The following RNF212B variants were observed in gnomAD, a reference collection of about 807,000 sequenced individuals.
RNF212B encodes ring finger protein 212B, also known as E3 ubiquitin-protein ligase RNF212B.
Under a neutral mutation model 55.5 loss-of-function variants are expected in RNF212B, and 52 were observed. The ratio of observed to expected loss-of-function variants is 0.94; its 90% confidence interval spans 0.75 to 1.18. RNF212B has a LOEUF of 1.18. RNF212B is among the 50% of genes most tolerant of loss of function. The pLI is 0.00. For missense variants in RNF212B, 289 were observed against 350.4 expected, an observed-to-expected ratio of 0.82 and a Z score of 1.40; for synonymous variants, 99 against 121.4, an observed-to-expected ratio of 0.82 and a Z score of 1.21.
intron 14 of RNF212B, among the ~76,000 whole-genome samples, chr14:23,272,204 T>G (rs1027728150): frequency 2.0e-5 from 3 of 152,024 alleles, no homozygotes; most frequent in Non-Finnish European, 4.4e-5. Context: ...GATTATGAGG[T>G]CAGGAGATCG....
chr14:23,228,475 A>G (rs1269865659), intron 2 of RNF212B, among the ~76,000 whole-genome samples: 1 of 150,348 alleles, frequency 6.7e-6, no homozygotes, highest in East Asian at 1.9e-4. Flanking sequence ...AAAAAAAAAA[A>G]AAAAAAAAAA....
chr14:23,266,126 T>C (rs948301112), intron 11 of RNF212B, among the ~76,000 whole-genome samples: 3 of 151,670 alleles, frequency 2.0e-5, no homozygotes, highest in Admixed American at 2.0e-4. Context: ...GCTTGGCAAA[T>C]TTTTGTATTT....
intron 2 of RNF212B, among the ~76,000 whole-genome samples, chr14:23,202,837 G>A (rs558915592): frequency 2.1e-4 from 30 of 143,636 alleles, no homozygotes; most frequent in Admixed American, 1.7e-3. Context: ...GCGACAGAGC[G>A]AGACCCTGTC....
Position 23,221,124 on chromosome 14 carries a change from C to T in RNF212B, c.-1-19221C>T, listed in dbSNP as rs183225234. 8.7e-3 allele frequency among the ~76,000 whole-genome samples: 1,324 copies of T among 151,890 alleles called. 25 individuals carry two copies. Among genetic ancestry groups the T allele is most frequent in the African/African-American group, 0.03 (1,249 of 41,424 alleles). Reference sequence around the variant, plus strand: ...ACTTCAGGCCAGGCGCAGTGGCTCACGCCTATAATCCCAGCACTTTGGGAG... The same window carrying T: ...ACTTCAGGCCAGGCGCAGTGGCTCATGCCTATAATCCCAGCACTTTGGGAG... On this transcript the variant is annotated intron_variant, in intron 2 of 15. Coordinates refer to the RNF212B transcript ENST00000399910.
At chr14:23,240,542 C>T in intron 2 of RNF212B, 97 bp downstream of exon 2, 1 of 704,078 alleles carries the variant, frequency 1.4e-6, no homozygotes, top group Non-Finnish European at 2.4e-6. Context: ...ATAAAAATCA[C>T]TTATTAGGTC....
At chr14:23,212,888 ATTTTTTGAAGTAATTTC>A (rs1880667473) in intron 2 of RNF212B, among the ~76,000 whole-genome samples, 1 of 151,658 alleles carries the variant, frequency 6.6e-6, no homozygotes, top group African/African-American at 2.4e-5. Context: ...TCTTTTTACA[ATTTTTTGAAGTAATTTC>A]TTTTTTGCCA....
intron 2 of RNF212B, among the ~76,000 whole-genome samples, chr14:23,194,197 G>T (rs1000055152): frequency 2.0e-5 from 3 of 152,044 alleles, no homozygotes; most frequent in African/African-American, 7.3e-5. Flanking sequence ...TAGCAGACAA[G>T]CACTACATAA....
chr14:23,272,614 A>G (rs1338872861), intron 14 of RNF212B: 2 of 586,810 alleles, frequency 3.4e-6, no homozygotes, highest in Non-Finnish European at 6.0e-6. Context: ...TATTATCACC[A>G]TAAGCTACTG....
intron 2 of RNF212B, among the ~76,000 whole-genome samples, chr14:23,221,352 T>C (rs1304945088): frequency 6.6e-6 from 1 of 151,894 alleles, no homozygotes; most frequent in Non-Finnish European, 1.5e-5. Flanking sequence ...GCTATAGTTA[T>C]AAAAGACAAA....
intron 2 of RNF212B, among the ~76,000 whole-genome samples, chr14:23,241,223 G>A (rs1883541165): frequency 6.6e-6 from 1 of 152,098 alleles, no homozygotes. Flanking sequence ...TAAGAGAACA[G>A]CATGTACAAA....
In RNF212B at chr14:23,196,305, G is replaced by A. The variant is rs190907485; in HGVS notation, c.-2+2904G>A. Among the ~76,000 whole-genome samples, 141 of 152,056 alleles carry A rather than the reference G, an allele frequency of 9.3e-4. 1 individual carries two copies. The highest frequency in any genetic ancestry group is 3.2e-3 in the African/African-American group (133 of 41,460). ...CTCTTTCTCCAGCCTGCCCCGCTCC[G>A]CCATTATCATGCCAAAATGCATGGC... On this transcript the variant is annotated intron_variant, in intron 2 of 15. Coordinates refer to the RNF212B transcript ENST00000399910.
chr14:23,202,743 C>T (rs1489428957), intron 2 of RNF212B, among the ~76,000 whole-genome samples: 3 of 151,082 alleles, frequency 2.0e-5, no homozygotes, highest in Admixed American at 6.6e-5. Context: ...CCCAGCTACT[C>T]GAGAGGCTGA....
At chr14:23,199,119 G>A (rs1879027239) in intron 2 of RNF212B, among the ~76,000 whole-genome samples, 1 of 152,136 alleles carries the variant, frequency 6.6e-6, no homozygotes, top group Non-Finnish European at 1.5e-5. Context: ...TCAGTTAATT[G>A]TTTATTTTGC....
rs1159682814 is a variant in RNF212B, at chr14:23,269,891, A to AT, written c.709dup (p.Ser237PhefsTer35). 12 of 1,548,288 alleles carry AT rather than the reference A, an allele frequency of 7.8e-6. No homozygotes were observed. The highest frequency in any genetic ancestry group is 2.4e-5 in the East Asian group (1 of 40,894). On this transcript the variant is annotated frameshift_variant, in exon 13 of 15. Coordinates refer to ENST00000430154, the MANE Select transcript of RNF212B (RefSeq NM_001282322.3). LOFTEE classifies it high-confidence loss of function. ...TTCATCTGCCTCCTCTGGACAGGGG[A>AT]TTTTTTCTTTCAGACCATCCCCAAA...
intron 3 of RNF212B, 39 bp from the exon 4 acceptor site, chr14:23,244,283 T>C (rs1883834402): frequency 1.7e-6 from 2 of 1,177,956 alleles, no homozygotes; most frequent in Non-Finnish European, 2.4e-6. Flanking sequence ...TTTTATTCAA[T>C]TGTGGATATT....
intron 2 of RNF212B, among the ~76,000 whole-genome samples, chr14:23,217,247 GGC>G (rs1881170838): frequency 4.9e-5 from 1 of 20,362 alleles, no homozygotes; most frequent in Admixed American, 7.3e-4. Context: ...TGGCAGTGGT[GGC>G]AGTGGTGGGG....
intron 2 of RNF212B, among the ~76,000 whole-genome samples, chr14:23,206,161 G>T (rs946951935): frequency 6.6e-6 from 1 of 151,996 alleles, no homozygotes; most frequent in African/African-American, 2.4e-5. Flanking sequence ...TGCAACCTCT[G>T]CCTCCTGGGT....
rs144140637 is a variant in RNF212B, at chr14:23,258,263, A to C, written c.229-286A>C. 3.1e-3 allele frequency among the ~76,000 whole-genome samples: 469 copies of C among 150,016 alleles called. 3 individuals carry two copies. Among genetic ancestry groups the C allele is most frequent in the African/African-American group, 0.011 (450 of 40,644 alleles). On this transcript the variant is annotated intron_variant, in intron 4 of 14. Coordinates refer to ENST00000430154, the MANE Select transcript of RNF212B (RefSeq NM_001282322.3). ...TGAGGCAGGAGAATAGCTTGAACCC[A>C]GGAGGCAGAGGTTACGGTGAGCCGA...
intron 3 of RNF212B, among the ~76,000 whole-genome samples, chr14:23,244,076 C>T (rs1234816531): frequency 1.3e-5 from 2 of 150,932 alleles, no homozygotes; most frequent in African/African-American, 4.9e-5. Flanking sequence ...AAAACTCTGT[C>T]TCAAAGAAAA....
Sources: gnomAD v4.1 joint callset for allele counts (sites outside exome capture counted in the v4.1 genomes callset) on GRCh38, gnomAD v4.1.1 for gene constraint, MANE v1.5 for transcripts, NCBI Gene and HGNC (gene_info 2026-07-23, HGNC 2026-07-21) for gene names.